KPNB1: variants seen among roughly 807,000 people sequenced by gnomAD.
The protein encoded by KPNB1 is karyopherin subunit beta 1.
In KPNB1, 7 loss-of-function variants were observed where a neutral mutation model predicts 113.0. The ratio of observed to expected loss-of-function variants is 0.06; its 90% confidence interval spans 0.04 to 0.12. The LOEUF (loss-of-function observed/expected upper bound fraction) is 0.12. Among genes scored for constraint, KPNB1 ranks in the 10% least tolerant of loss-of-function variants. The probability of loss-of-function intolerance (pLI) is 1.00; values close to 1 mark genes in which losing one functional copy is unlikely to be tolerated. For missense variants in KPNB1, 400 were observed against 1,054.8 expected, an observed-to-expected ratio of 0.38 and a Z score of 8.60; for synonymous variants, 363 against 378.6, an observed-to-expected ratio of 0.96 and a Z score of 0.48.
intron 7 of KPNB1, 121 bp downstream of exon 7, chr17:47,663,299 C>G: frequency 1.6e-6 from 1 of 635,956 alleles, no homozygotes; most frequent in Non-Finnish European, 2.9e-6. Context: ...GGAAATTCCT[C>G]GAGACTGTTC....
At chr17:47,661,312 T>C in intron 6 of KPNB1, 134 bp downstream of exon 6, 1 of 737,962 alleles carries the variant, frequency 1.4e-6, no homozygotes, top group South Asian at 1.6e-5. Flanking sequence ...TAATAATTAA[T>C]ATTCTGGCTG....
intron 12 of KPNB1, among the ~76,000 whole-genome samples, chr17:47,672,266 C>T (rs963014134): frequency 4.6e-5 from 7 of 151,566 alleles, no homozygotes; most frequent in African/African-American, 1.5e-4. Context: ...CCTTGGCCTC[C>T]CAAAGTGCTG....
chr17:47,685,361 G>A lies in KPNB1; in HGVS notation c.*2957G>A, dbSNP rs1481392259. 6.6e-6 allele frequency: 1 copy of A among 152,182 alleles called. No homozygotes were observed. Among genetic ancestry groups the A allele is most frequent in the Admixed American group, 6.5e-5 (1 of 15,278 alleles). The allele number at this position is 152,182 out of a possible 1,614,324, so 9.4% of individuals were successfully genotyped here. On this transcript the variant is annotated 3_prime_UTR_variant, in exon 22 of 22. Coordinates refer to ENST00000290158, the MANE Select transcript of KPNB1 (RefSeq NM_002265.6). ...TTGGTTTTTGAAACAACTTCAATCTGTAATTGGCATTCAGAATGCCCTTGG... is the reference window on the plus strand; with the variant it reads ...TTGGTTTTTGAAACAACTTCAATCTATAATTGGCATTCAGAATGCCCTTGG...
chr17:47,664,767 CTG>C (rs2143127057), intron 8 of KPNB1, among the ~76,000 whole-genome samples: 1 of 152,150 alleles, frequency 6.6e-6, no homozygotes, highest in South Asian at 2.1e-4. Flanking sequence ...TTTAGGCAAA[CTG>C]AGTGTGTGTT....
intron 15 of KPNB1, among the ~76,000 whole-genome samples, chr17:47,676,059 T>C (rs2030606747): frequency 6.6e-6 from 1 of 152,174 alleles, no homozygotes. Flanking sequence ...CATGCTATTA[T>C]CAGATGAGGA....
At chr17:47,677,239 T>C in intron 17 of KPNB1, 112 bp downstream of exon 17, 2 of 848,958 alleles carry the variant, frequency 2.4e-6, no homozygotes, top group Non-Finnish European at 3.7e-6. Flanking sequence ...TCCCAGCATT[T>C]TGGGAGGCCG....
chr17:47,662,423 A>G (rs2030131321), intron 6 of KPNB1, among the ~76,000 whole-genome samples: 1 of 152,128 alleles, frequency 6.6e-6, no homozygotes, highest in Middle Eastern at 3.4e-3. Context: ...CATGTCCACA[A>G]AGATTAGCTG....
At chr17:47,680,191 A>G in intron 20 of KPNB1, 57 bp downstream of exon 20, 26 of 1,224,224 alleles carry the variant, frequency 2.1e-5, no homozygotes, top group Non-Finnish European at 2.9e-5. Flanking sequence ...AAATGAGAAA[A>G]CATGGAGTAA....
chr17:47,677,289 T>C (rs1442574983), intron 17 of KPNB1, among the ~76,000 whole-genome samples, 162 bp downstream of exon 17: 1 of 151,712 alleles, frequency 6.6e-6, no homozygotes, highest in Admixed American at 6.6e-5. Flanking sequence ...GACAACATGG[T>C]GAAACCCCGT....
chr17:47,662,561 G>A (rs1386730458), intron 6 of KPNB1, among the ~76,000 whole-genome samples: 3 of 150,134 alleles, frequency 2.0e-5, no homozygotes, highest in Admixed American at 6.7e-5. Context: ...GGGCGACAGA[G>A]CAAGAAGACT....
At chr17:47,661,670 G>C (rs966490234) in intron 6 of KPNB1, among the ~76,000 whole-genome samples, 1 of 152,122 alleles carries the variant, frequency 6.6e-6, no homozygotes, top group Non-Finnish European at 1.5e-5. Flanking sequence ...AAGGTTTAAG[G>C]TGCCAGTGTG....
chr17:47,677,496 A>T (rs1432285522), intron 17 of KPNB1, among the ~76,000 whole-genome samples: 1 of 150,266 alleles, frequency 6.7e-6, no homozygotes, highest in Non-Finnish European at 1.5e-5. Flanking sequence ...AAAAAAAAAA[A>T]TCAGTGACAG....
At chr17:47,656,160 A>G (rs2029897613) in intron 3 of KPNB1, among the ~76,000 whole-genome samples, 1 of 152,104 alleles carries the variant, frequency 6.6e-6, no homozygotes, top group Admixed American at 6.5e-5. Flanking sequence ...GGGGGGAGCT[A>G]AGGCAGGAGA....
chr17:47,654,328 T>C (rs1349002921), intron 3 of KPNB1, among the ~76,000 whole-genome samples: 1 of 151,322 alleles, frequency 6.6e-6, no homozygotes, highest in Non-Finnish European at 1.5e-5. Flanking sequence ...GGCAGGAGAA[T>C]TGCTTGAACC....
intron 15 of KPNB1, among the ~76,000 whole-genome samples, chr17:47,675,581 G>A (rs2030594333): frequency 6.6e-6 from 1 of 151,788 alleles, no homozygotes; most frequent in South Asian, 2.1e-4. Flanking sequence ...TCATCACCTG[G>A]TTTGGTTTGT....
At chr17:47,653,717 T>G (rs1158572112) in intron 3 of KPNB1, among the ~76,000 whole-genome samples, 1 of 152,244 alleles carries the variant, frequency 6.6e-6, no homozygotes, top group Non-Finnish European at 1.5e-5. Context: ...TCATACTTGC[T>G]ATTTCCTGGT....
intron 20 of KPNB1, 111 bp downstream of exon 20, chr17:47,680,245 GCA>G (rs1490735816): frequency 1.9e-5 from 16 of 831,120 alleles, no homozygotes; most frequent in Non-Finnish European, 3.0e-5. Flanking sequence ...CACTTTTTTG[GCA>G]CAGAGATTTC....
rs1291892363 is a variant in KPNB1 at position 47,685,171 on chromosome 17, A to G, written c.*2767A>G. 2 of 152,200 alleles carry G rather than the reference A, an allele frequency of 1.3e-5. No homozygotes were observed. Among genetic ancestry groups the G allele is most frequent in the East Asian group, 1.9e-4 (1 of 5,202 alleles). The allele number at this position is 152,200 out of a possible 1,614,324, so 9.4% of individuals were successfully genotyped here. On this transcript the variant is annotated 3_prime_UTR_variant, in exon 22 of 22. Transcript: ENST00000290158. ...TTGTTGAAATGTTGGACTTGCTGTC[A>G]GAGGCAACTGTAATATTGCCTTAGG...
intron 8 of KPNB1, 38 bp from the exon 9 acceptor site, chr17:47,665,018 CG>C: frequency 4.0e-6 from 6 of 1,497,664 alleles, no homozygotes; most frequent in Non-Finnish European, 5.6e-6. Context: ...ATACAGAGCT[CG>C]GTTGCTTTTG....
Sources: gnomAD v4.1 joint callset for allele counts (sites outside exome capture counted in the v4.1 genomes callset) on GRCh38, gnomAD v4.1.1 for gene constraint, MANE v1.5 for transcripts, NCBI Gene and HGNC (gene_info 2026-07-23, HGNC 2026-07-21) for gene names.